Variants in OXR1 observed in about 807,000 individuals in gnomAD.
The protein encoded by OXR1 is oxidation resistance protein 1.
In OXR1, 41 loss-of-function variants were observed where a neutral mutation model predicts 104.6. The observed-to-expected ratio is 0.39, with a 90% CI of 0.31 to 0.51. OXR1 has a LOEUF of 0.51. OXR1 is among the 20% of genes least tolerant of loss of function. The pLI is 0.77. For missense variants in OXR1, 955 were observed against 1,031.9 expected (o/e 0.93, Z 1.02); for synonymous variants, 348 against 348.4 (o/e 1.00, Z 0.01).
At chr8:106,566,711 G>A in intron 3 of OXR1, among the ~76,000 whole-genome samples, 1 of 152,086 alleles carries the variant, frequency 6.6e-6, no homozygotes, top group South Asian at 2.1e-4. Flanking sequence ...CAAACACTTG[G>A]AACCAACCCA....
chr8:106,351,488 GCAGA>G (rs1438585421), intron 1 of OXR1, among the ~76,000 whole-genome samples: 1 of 152,170 alleles, frequency 6.6e-6, no homozygotes, highest in Non-Finnish European at 1.5e-5. Flanking sequence ...GATGAGTGTA[GCAGA>G]CAAAGAGAAA....
chr8:106,637,785 G>A (rs1451133673), intron 3 of OXR1, among the ~76,000 whole-genome samples: 5 of 137,280 alleles, frequency 3.6e-5, no homozygotes, highest in East Asian at 2.2e-4. Flanking sequence ...TTTTTTAGAC[G>A]GAGTCTTGCT....
chr8:106,382,104 G>A (rs888609245), intron 2 of OXR1, among the ~76,000 whole-genome samples: 23 of 152,192 alleles, frequency 1.5e-4, no homozygotes, highest in Non-Finnish European at 1.2e-4. Flanking sequence ...TTTTAACTCA[G>A]CAGAAATCAG....
At chr8:106,676,711 T>C (rs1444229074) in intron 3 of OXR1, among the ~76,000 whole-genome samples, 1 of 152,144 alleles carries the variant, frequency 6.6e-6, no homozygotes, top group Non-Finnish European at 1.5e-5. Flanking sequence ...TTTCTCTAGC[T>C]GCTCTCAAAT....
chr8:106,564,329 A>G (rs1816915507), intron 3 of OXR1, among the ~76,000 whole-genome samples: 1 of 152,190 alleles, frequency 6.6e-6, no homozygotes, highest in African/African-American at 2.4e-5. Flanking sequence ...AGAAATACAA[A>G]CTACCATCAG....
chr8:106,563,296 C>CAAAA (rs145929849), intron 3 of OXR1, among the ~76,000 whole-genome samples: 1 of 125,772 alleles, frequency 8.0e-6, no homozygotes, highest in South Asian at 2.5e-4. Context: ...AAATGGAAAG[C>CAAAA]AAAAAAAAAA....
At chr8:106,389,034 A>G (rs984271059) in intron 2 of OXR1, among the ~76,000 whole-genome samples, 6 of 152,098 alleles carry the variant, frequency 3.9e-5, no homozygotes, top group Non-Finnish European at 5.9e-5. Flanking sequence ...CCCCTTCTTT[A>G]CCCTCATCCT....
At chr8:106,327,744 T>C (rs1814532218) in intron 1 of OXR1, among the ~76,000 whole-genome samples, 1 of 152,228 alleles carries the variant, frequency 6.6e-6, no homozygotes, top group South Asian at 2.1e-4. Flanking sequence ...TTCAAAGTTC[T>C]CTAATATTTG....
intron 1 of OXR1, among the ~76,000 whole-genome samples, chr8:106,289,382 GA>G (rs2130031436): frequency 6.6e-6 from 1 of 152,218 alleles, no homozygotes; most frequent in South Asian, 2.1e-4. Context: ...TCCAGGCTAA[GA>G]GTCAAATCAA....
chr8:106,439,766 A>G (rs1380677523), intron 2 of OXR1, among the ~76,000 whole-genome samples: 5 of 152,128 alleles, frequency 3.3e-5, no homozygotes, highest in Non-Finnish European at 7.4e-5. Context: ...ACTTAGCAAC[A>G]TGCCACCAAG....
In OXR1 at chr8:106,737,594, C is replaced by A. The variant is rs1305649374; in HGVS notation, c.2031C>A (p.Arg677=). 2 of 1,384,924 alleles carry A rather than the reference C, an allele frequency of 1.4e-6. No homozygotes were observed. Among genetic ancestry groups the A allele is most frequent in the Non-Finnish European group, 1.9e-6 (2 of 1,055,400 alleles). The allele number at this position is 1,384,924 out of a possible 1,614,324, so 85.8% of individuals were successfully genotyped here. Residue 677 remains arginine (R), a synonymous_variant, in exon 12 of 17, where the codon CGC becomes CGA. Coordinates refer to ENST00000517566, the MANE Select transcript of OXR1 (RefSeq NM_001198533.2). ...AAGAACTGCGCACACTCTGCAGACGCCTCCAGGTGCCCCCTTCAGTAGTTT... is the reference window on the plus strand; with the variant it reads ...AAGAACTGCGCACACTCTGCAGACGACTCCAGGTGCCCCCTTCAGTAGTTT... ...NTEELRTLCR[R]LQITTREDIN... is the part of the protein sequence containing the mutation.
chr8:106,714,975 A>G (rs1832088927), intron 11 of OXR1, among the ~76,000 whole-genome samples: 1 of 152,172 alleles, frequency 6.6e-6, no homozygotes, highest in Non-Finnish European at 1.5e-5. Flanking sequence ...AAAGAAGAAC[A>G]TATCGACCAT....
At chr8:106,506,109 T>G (rs1812140753) in intron 2 of OXR1, among the ~76,000 whole-genome samples, 1 of 152,206 alleles carries the variant, frequency 6.6e-6, no homozygotes, top group Non-Finnish European at 1.5e-5. Context: ...GAAATATCCT[T>G]CAAGGTTTCT....
intron 3 of OXR1, among the ~76,000 whole-genome samples, chr8:106,671,567 C>T (rs1444289435): frequency 1.3e-5 from 2 of 151,962 alleles, no homozygotes; most frequent in Non-Finnish European, 2.9e-5. Flanking sequence ...TGGAACCAAC[C>T]CGAATGTCCA....
chr8:106,358,998 AT>A (rs1816115978), intron 1 of OXR1, among the ~76,000 whole-genome samples: 1 of 152,136 alleles, frequency 6.6e-6, no homozygotes, highest in Non-Finnish European at 1.5e-5. Context: ...TTAATGAATA[AT>A]ATTTTGTTAA....
chr8:106,697,233 G>A (rs904098334), intron 7 of OXR1, among the ~76,000 whole-genome samples: 2 of 152,202 alleles, frequency 1.3e-5, no homozygotes, highest in Non-Finnish European at 2.9e-5. Flanking sequence ...ATGGGGAAGG[G>A]AATGTATTAG....
chr8:106,585,960 A>C (rs1818596927), intron 3 of OXR1, among the ~76,000 whole-genome samples: 1 of 152,176 alleles, frequency 6.6e-6, no homozygotes, highest in African/African-American at 2.4e-5. Flanking sequence ...AAATTATATG[A>C]CATCTTAGAA....
chr8:106,553,791 C>G (rs539715590), intron 3 of OXR1, among the ~76,000 whole-genome samples: 1 of 152,142 alleles, frequency 6.6e-6, no homozygotes, highest in African/African-American at 2.4e-5. Flanking sequence ...CAAGTAGCAT[C>G]GCTTCCAGGA....
intron 3 of OXR1, chr8:106,581,266 T>A: frequency 7.8e-7 from 1 of 1,283,282 alleles, no homozygotes; most frequent in Non-Finnish European, 1.0e-6. Context: ...GTTTCTGAAA[T>A]CATGCCTTTC....
Sources: allele counts gnomAD v4.1 joint callset (sites outside exome capture counted in the v4.1 genomes callset), GRCh38; gene constraint gnomAD v4.1.1; transcripts MANE v1.5; gene names NCBI Gene and HGNC (gene_info 2026-07-23, HGNC 2026-07-21).